The following CCPG1 variants were observed in gnomAD, a reference collection of about 807,000 sequenced individuals.
CCPG1 encodes the protein cell cycle progression protein 1.
A neutral mutation model predicts 81.3 loss-of-function variants in CCPG1; 46 were observed. The ratio of observed to expected loss-of-function variants is 0.57; its 90% CI spans 0.45 to 0.72. CCPG1 has a LOEUF of 0.72. CCPG1 is among the 30% of genes least tolerant of loss of function. The pLI, the probability that CCPG1 is intolerant of heterozygous loss-of-function variation, is 0.00. For missense variants in CCPG1, 902 were observed against 937.6 expected (o/e 0.96, Z 0.50); for synonymous variants, 330 against 305.2 (o/e 1.08, Z -0.85).
chr15:55,365,595 T>A (rs1453831730), intron 6 of CCPG1, among the ~76,000 whole-genome samples: 1 of 151,626 alleles, frequency 6.6e-6, no homozygotes, highest in Non-Finnish European at 1.5e-5. Flanking sequence ...TAATTTTTTA[T>A]AGAGACAGGG....
intron 1 of CCPG1, among the ~76,000 whole-genome samples, chr15:55,402,528 C>T (rs1029744122): frequency 8.6e-5 from 13 of 152,046 alleles, no homozygotes; most frequent in African/African-American, 3.1e-4. Flanking sequence ...CACACCCAGC[C>T]AATATGTACT....
chr15:55,400,203 C>CAAA (rs61331208), intron 1 of CCPG1, among the ~76,000 whole-genome samples: 2,535 of 32,890 alleles, frequency 0.077, 300 homozygotes, highest in African/African-American at 0.16. Flanking sequence ...TACTCTACCT[C>CAAA]AAAAAAAAAA....
In CCPG1 at chr15:55,395,124, T is replaced by TA. The variant is rs571256105; in HGVS notation, c.-9-5692dup. Among the ~76,000 whole-genome samples, 558 of 152,216 alleles carry TA rather than the reference T, an allele frequency of 3.7e-3. 6 individuals carry two copies. The highest frequency in any genetic ancestry group is 0.013 in the African/African-American group (542 of 41,538). On this transcript the variant is annotated intron_variant, in intron 1 of 8. Transcript: ENST00000442196. ...TTTCTGTGCGGCAAGCAGCAGGACC[T>TA]AGACCAAACCCCTGGTGTTTTGGTA...
intron 1 of CCPG1, among the ~76,000 whole-genome samples, chr15:55,403,709 T>C (rs1051324743): frequency 1.4e-4 from 22 of 152,208 alleles, no homozygotes; most frequent in African/African-American, 4.8e-4. Flanking sequence ...ATTATGGAAC[T>C]GTCAGGAAGG....
intron 7 of CCPG1, among the ~76,000 whole-genome samples, chr15:55,361,625 G>A (rs1190263597): frequency 6.6e-6 from 1 of 151,534 alleles, no homozygotes; most frequent in Admixed American, 6.6e-5. Context: ...GGAATCGCTT[G>A]AACCCGGGAG....
At position 55,359,419 on chromosome 15, in the gene CCPG1, G is replaced by A; in HGVS notation, c.2234+120C>T. The A allele has an allele frequency of 6.2e-6, 9 of 1,443,322 alleles. No individual in the cohort carries two copies. The South Asian group carries it at 1.0e-4, about 16-fold the overall frequency. 89.4% of individuals were successfully genotyped at this position (1,443,322 alleles called of 1,614,324 possible). On this transcript the variant is annotated intron_variant, in intron 8 of 8. Transcript: ENST00000442196. ...CAATTTATTCTGAATTCTCTCAGTG[G>A]CCATAAAGCACAACTCTTAGAAACG...
In CCPG1 at chr15:55,360,881, T is replaced by A; in HGVS notation, c.892A>T (p.Thr298Ser). 6.2e-7 allele frequency: 1 copy of A among 1,602,106 alleles called. No homozygotes were observed. Reference sequence around the variant, plus strand: ...TCTGTAGCAAGGTTCGTTTTCTGAGTTTCAAAGGACATCTTCTCTGCTTCA... The same window carrying A: ...TCTGTAGCAAGGTTCGTTTTCTGAGATTCAAAGGACATCTTCTCTGCTTCA... ...LTEAEKMSFE[T>S]QKTNLATENQ... Residue 298 changes from threonine (T) to serine (S), a missense_variant, in exon 8 of 9, where the codon ACT becomes TCT. By Grantham distance (58) the Thr-to-Ser change is moderately conservative. Transcript: ENST00000442196.
chr15:55,361,320 C>G (rs572582458), intron 7 of CCPG1, among the ~76,000 whole-genome samples: 34 of 151,876 alleles, frequency 2.2e-4, no homozygotes, highest in Non-Finnish European at 2.9e-5. Context: ...AACCACCGCG[C>G]CTGGCTGGAA....
intron 5 of CCPG1, among the ~76,000 whole-genome samples, chr15:55,375,617 GTT>G (rs1268540881): frequency 6.6e-6 from 1 of 151,386 alleles, no homozygotes; most frequent in Non-Finnish European, 1.5e-5. Flanking sequence ...TCACGTTCAT[GTT>G]TATAGGCAAA....
At chr15:55,397,060 G>A (rs2057031114) in intron 1 of CCPG1, among the ~76,000 whole-genome samples, 1 of 151,992 alleles carries the variant, frequency 6.6e-6, no homozygotes, top group Non-Finnish European at 1.5e-5. Flanking sequence ...AAATTAGCCG[G>A]GCGATTAGCC....
At position 55,355,543 on chromosome 15, in the gene CCPG1, G is replaced by A. The variant is rs1295997741; in HGVS notation, c.*677C>T. On this transcript the variant is annotated 3_prime_UTR_variant, in exon 9 of 9. Coordinates refer to ENST00000442196, the MANE Select transcript of CCPG1 (RefSeq NM_001204450.2). ...AACTTAGAAAAAAGCTGTATGAACT[G>A]CTTTACCAAATATCACTACTGAGGA... 1.4e-5 allele frequency: 11 copies of A among 806,162 alleles called. No homozygotes were observed. The highest frequency in any genetic ancestry group is 5.2e-5 in the African/African-American group (3 of 57,616). The allele number at this position is 806,162 out of a possible 1,614,324, so 49.9% of individuals were successfully genotyped here. A position where few individuals can be genotyped will look rare whatever the true frequency, so the allele number is the denominator to read the frequency against.
At chr15:55,399,211 C>T (rs1285582899) in intron 1 of CCPG1, among the ~76,000 whole-genome samples, 1 of 151,980 alleles carries the variant, frequency 6.6e-6, no homozygotes, top group Non-Finnish European at 1.5e-5. Context: ...TTAGGGAAGG[C>T]CTCCTTGAAG....
chr15:55,387,298 A>T (rs1187445457), intron 2 of CCPG1, among the ~76,000 whole-genome samples: 1 of 152,206 alleles, frequency 6.6e-6, no homozygotes, highest in Non-Finnish European at 1.5e-5. Flanking sequence ...CCTTGCTCCT[A>T]TATTGTTAAT....
At chr15:55,402,370 G>C (rs1595869454) in intron 1 of CCPG1, among the ~76,000 whole-genome samples, 1 of 152,050 alleles carries the variant, frequency 6.6e-6, no homozygotes, top group Admixed American at 6.5e-5. Flanking sequence ...TGGGACTACA[G>C]GTACACACCA....
At chr15:55,388,450 G>A (rs780797921) in intron 2 of CCPG1, among the ~76,000 whole-genome samples, 15 of 152,136 alleles carry the variant, frequency 9.9e-5, no homozygotes, top group Non-Finnish European at 2.1e-4. Context: ...AACGTAAATG[G>A]AACACATGTT....
At chr15:55,390,213 C>T (rs569834892) in intron 1 of CCPG1, among the ~76,000 whole-genome samples, 7 of 152,286 alleles carry the variant, frequency 4.6e-5, no homozygotes, top group South Asian at 4.1e-4. Flanking sequence ...TGAACCACTG[C>T]GCCCGGCAAT....
chr15:55,400,338 A>C (rs2057105300), intron 1 of CCPG1, among the ~76,000 whole-genome samples: 1 of 151,114 alleles, frequency 6.6e-6, no homozygotes, highest in African/African-American at 2.4e-5. Context: ...GTGAAACCCC[A>C]CCTGTACTAA....
intron 5 of CCPG1, chr15:55,374,039 A>T (rs1243631802): frequency 2.3e-6 from 1 of 428,592 alleles, no homozygotes; most frequent in East Asian, 8.5e-5. Flanking sequence ...AGAGATTCTG[A>T]ACACCTGTTT....
At position 55,406,215 on chromosome 15, in the gene CCPG1, GCTTTT is replaced by G. The variant is rs1387156697; in HGVS notation, c.-10+2001_-10+2005del. Among the ~76,000 whole-genome samples, 421 of 116,486 alleles carry G rather than the reference GCTTTT, an allele frequency of 3.6e-3. 4 individuals are homozygous for G. The highest frequency in any genetic ancestry group is 0.012 in the African/African-American group (409 of 33,224). The allele number at this position is 116,486 out of a possible 152,430, so 76.4% of individuals were successfully genotyped here. A position where few individuals can be genotyped will look rare whatever the true frequency, so the allele number is the denominator to read the frequency against. On this transcript the variant is annotated intron_variant, in intron 1 of 8. Transcript: ENST00000442196. Reference sequence around the variant, plus strand: ...CATAGAGTCCATAACTGGAATTGCTGCTTTTTTTTTTTTTTTGCATAAGGGTGGGG... The same window carrying G: ...CATAGAGTCCATAACTGGAATTGCTGTTTTTTTTTTTGCATAAGGGTGGGG...
Sources: gnomAD v4.1 joint callset for allele counts (sites outside exome capture counted in the v4.1 genomes callset) on GRCh38, gnomAD v4.1.1 for gene constraint, MANE v1.5 for transcripts, NCBI Gene and HGNC (gene_info 2026-07-23, HGNC 2026-07-21) for gene names.